HRNR: variants seen among roughly 807,000 people sequenced by gnomAD.
The protein encoded by HRNR is hornerin.
A neutral mutation model predicts 4.8 loss-of-function variants in HRNR; 7 were observed. The observed-to-expected ratio is 1.47, with a 90% CI of 0.83 to 2.75. The LOEUF (loss-of-function observed/expected upper bound fraction) is 2.75, where lower values mean the gene tolerates loss of function less well. HRNR is among the 30% of genes most tolerant of loss of function. The pLI, the probability that HRNR is intolerant of heterozygous loss-of-function variation, is 0.00. For missense variants in HRNR, 2,879 were observed against 3,010.4 expected (o/e 0.96, Z 1.02); for synonymous variants, 1,023 against 1,242.7 (o/e 0.82, Z 3.72).
chr1:152,220,393 G>A lies in HRNR; in HGVS notation c.1236C>T (p.Gly412=), dbSNP rs756856015. 2 of 1,614,032 alleles carry A rather than the reference G, an allele frequency of 1.2e-6. No homozygotes were observed. The highest frequency in any genetic ancestry group is 1.7e-6 in the Non-Finnish European group (2 of 1,180,004). ...CAGATCCAGAGCTGTGTTGGCCGCG[G>A]CCTGAAGAGTGACGGGAGGCAGACT... ...QHESASRHSS[G]RGQHSSGSGQ... Residue 412 remains glycine (G), a synonymous_variant, in exon 3 of 3, where the codon GGC becomes GGT. Transcript: ENST00000368801.
Position 152,218,440 on chromosome 1 carries a change from G to A in HRNR, c.3189C>T (p.Tyr1063=), listed in dbSNP as rs141737935. 632 of 1,613,578 alleles carry A rather than the reference G, an allele frequency of 3.9e-4. 3 individuals are homozygous for A. Among genetic ancestry groups the A allele is most frequent in the African/African-American group, 3.8e-3 (281 of 74,676 alleles). The stretch of plus-strand genomic sequence containing the variant: ...GACCTGAGCTAGATCCATGTTGACC[G>A]TAGCCAGAGGACTGTCCTGAGCGAG... The part of the protein sequence containing the change: ...RESRSGQSSG[Y]GQHGSSSGHS... The change falls in exon 3 of 3, where the codon TAC becomes TAT. Residue 1063 remains tyrosine (Y), a synonymous_variant. Coordinates refer to ENST00000368801, the MANE Select transcript of HRNR (RefSeq NM_001009931.3).
chr1:152,219,958 G>C lies in HRNR; in HGVS notation c.1671C>G (p.Ser557Arg), dbSNP rs374556256. 3 of 1,613,862 alleles carry C rather than the reference G, an allele frequency of 1.9e-6. No homozygotes were observed. Among genetic ancestry groups the C allele is most frequent in the African/African-American group, 2.7e-5 (2 of 74,934 alleles). Residue 557 changes from serine to arginine, a missense_variant, in exon 3 of 3, where the codon AGC becomes AGG. By Grantham distance (110) the Ser-to-Arg change is moderately radical. Transcript: ENST00000368801. ...RHESGSRQSS[S>R]YGPHGYGSGR... ...CTGAGCCATACCCATGTGGGCCATA[G>C]CTGGAAGACTGCCTGGAACCAGACT... is the stretch of plus-strand genomic sequence containing the variant.
chr1:152,222,632 A>T (rs944980768), intron 2 of HRNR, among the ~76,000 whole-genome samples: 1 of 152,228 alleles, frequency 6.6e-6, no homozygotes, highest in Admixed American at 6.5e-5. Flanking sequence ...TGACACACTG[A>T]ATATCTGACA....
intron 1 of HRNR, 49 bp from the exon 2 acceptor site, chr1:152,223,327 G>C: frequency 9.1e-7 from 1 of 1,101,376 alleles, no homozygotes; most frequent in Non-Finnish European, 1.3e-6. Flanking sequence ...CTTATTTCTT[G>C]TTTAAACACA....
Position 152,223,197 on chromosome 1 carries a change from G to A in HRNR, c.57C>T (p.Ala19=). The change falls in exon 2 of 3, where the codon GCC becomes GCT. Residue 19 remains alanine (A), a synonymous_variant. Transcript: ENST00000368801. ...ACGTATCATACTCCCCATGCTGGGT[G>A]GCATATTGGTAGAAAACATCGATGA... ...ITVIDVFYQY[A]TQHGEYDTLN... is the part of the protein sequence containing the mutation. 1.2e-6 allele frequency: 2 copies of A among 1,613,546 alleles called. No individual in the cohort carries two copies. The highest frequency in any genetic ancestry group is 1.7e-6 in the Non-Finnish European group (2 of 1,179,632).
Position 152,220,109 on chromosome 1 carries a change from T to C in HRNR, c.1520A>G (p.Gln507Arg). 6.2e-7 allele frequency: 1 copy of C among 1,613,548 alleles called. No individual in the cohort carries two copies. Among genetic ancestry groups the C allele is most frequent in the Non-Finnish European group, 8.5e-7 (1 of 1,179,746 alleles). Residue 507 changes from glutamine to arginine, a missense_variant, in exon 3 of 3, where the codon CAA (glutamine) becomes CGA (arginine). Coordinates refer to ENST00000368801, the MANE Select transcript of HRNR (RefSeq NM_001009931.3). ...GGAAGATGAACCTGCACTAGATCCT[T>C]GTCGTTCACCCCTAGATGACTGTCC... ...RSGQSSRGERQGSSAGSSSSY... is the reference protein window; with the variant it reads ...RSGQSSRGERRGSSAGSSSSY...
rs148051618 is a variant in HRNR, at chr1:152,223,263, T to G, written c.-10A>C. On this transcript the variant is annotated 5_prime_UTR_variant, in exon 2 of 3. Transcript: ENST00000368801. ...GTAGGAGTTTAGGCATTTTTTTTTT[T>G]GCAAGTTTGAGTAACCTAAAGGGAG... 8.2e-7 allele frequency: 1 copy of G among 1,218,460 alleles called. No individual in the cohort carries two copies. Among genetic ancestry groups the G allele is most frequent in the Non-Finnish European group, 1.2e-6 (1 of 832,236 alleles). 75.5% of individuals were successfully genotyped at this position (1,218,460 alleles called of 1,614,324 possible).
At chr1:152,222,983 AC>A in intron 2 of HRNR, 132 bp downstream of exon 2, 1 of 896,308 alleles carries the variant, frequency 1.1e-6, no homozygotes, top group East Asian at 2.5e-5. Flanking sequence ...CTTATCTCAA[AC>A]TTTTACCAAA....
rs904130174 is a variant in HRNR, at chr1:152,220,694, T to C, written c.935A>G (p.His312Arg). The C allele has an allele frequency of 3.1e-6, 5 of 1,612,030 alleles. No individual in the cohort carries two copies. Among genetic ancestry groups the C allele is most frequent in the African/African-American group, 1.3e-5 (1 of 74,486 alleles). The change falls in exon 3 of 3, where the codon CAT becomes CGT. Residue 312 changes from histidine to arginine, a missense_variant. Transcript: ENST00000368801. ...GSRQSPSHVR[H>R]GSGSGHSSSH... ...GGAGGAGTGCCCCGAACCGGACCCA[T>C]GTCGGACGTGGCTAGGAGACTGGCG...
chr1:152,221,064 AC>A lies in HRNR; in HGVS notation c.564del (p.Gln188HisfsTer397). The A allele has an allele frequency of 6.2e-7, 1 of 1,613,390 alleles. No individual in the cohort carries two copies. Among genetic ancestry groups the A allele is most frequent in the Non-Finnish European group, 8.5e-7 (1 of 1,179,462 alleles). On this transcript the variant is annotated frameshift_variant, in exon 3 of 3. Transcript: ENST00000368801. LOFTEE classifies it low-confidence loss of function (END_TRUNC). ...SYGEQNSDSH[Q>X]SSGRGQCGSG... ...GACCCACATTGGCCGCGGCCTGAAG[AC>A]TGATGGGAGTCGGAGTTTTGCTCAC...
At position 152,220,006 on chromosome 1, in the gene HRNR, A is replaced by C. The variant is rs752000515; in HGVS notation, c.1623T>G (p.Pro541=). ...SRHGSGSGQS[P]SPSRGRHESG... The stretch of plus-strand genomic sequence containing the variant: ...ACTCATGTCGGCCACGGCTAGGGCT[A>C]GGAGACTGGCCAGATCCAGACCCAT... The change falls in exon 3 of 3, where the codon CCT becomes CCG. Residue 541 remains proline, a synonymous_variant. Coordinates refer to ENST00000368801, the MANE Select transcript of HRNR (RefSeq NM_001009931.3). The C allele has an allele frequency of 5.0e-6, 8 of 1,613,904 alleles. No homozygotes were observed. The East Asian group carries it at 1.8e-4, about 36-fold the overall frequency.
At position 152,220,547 on chromosome 1, in the gene HRNR, T is replaced by C. The variant is rs189833252; in HGVS notation, c.1082A>G (p.Tyr361Cys). The C allele has an allele frequency of 1.9e-6, 3 of 1,611,504 alleles. No homozygotes were observed. The East Asian group carries it at 6.7e-5, about 36-fold the overall frequency. The change falls in exon 3 of 3, where the codon TAT (tyrosine) becomes TGT (cysteine). Residue 361 changes from tyrosine to cysteine, a missense_variant. Physicochemically the swap from Tyr to Cys is radical, Grantham distance 194. Transcript: ENST00000368801. ...ACCTGAGCCAGAACCATGCTTACTA[T>C]AGCCAGAGGACTGTCCTGAGCCAGA... is the stretch of plus-strand genomic sequence containing the variant. ...HESGSGQSSG[Y>C]SKHGSGSGHS... is the part of the protein sequence containing the mutation.
Position 152,219,145 on chromosome 1 carries a change from A to G in HRNR, c.2484T>C (p.Tyr828=), listed in dbSNP as rs769590274. The part of the protein sequence containing the change: ...GQHESGSGQG[Y]SQHGSASGHF... ...GACCTGAGGCAGAACCATGCTGACT[A>G]TAGCCCTGTCCTGAGCCAGACTCGT... The change falls in exon 3 of 3, where the codon TAT becomes TAC. Residue 828 remains tyrosine, a synonymous_variant. Coordinates refer to ENST00000368801, the MANE Select transcript of HRNR (RefSeq NM_001009931.3). 6.8e-6 allele frequency: 11 copies of G among 1,613,790 alleles called. No homozygotes were observed. The highest frequency in any genetic ancestry group is 3.3e-5 in the Admixed American group (2 of 59,992).
rs761997715 is a variant in HRNR at position 152,219,915 on chromosome 1, C to T, written c.1714G>A (p.Gly572Ser). 1.9e-6 allele frequency: 3 copies of T among 1,613,254 alleles called. No homozygotes were observed. Among genetic ancestry groups the T allele is most frequent in the South Asian group, 2.2e-5 (2 of 91,014 alleles). Reference sequence around the variant, plus strand: ...TGACCGGAGCCAGACTCATATGGGCCACGGCTTGAAGACCTCCCTGAGCCA... The same window carrying T: ...TGACCGGAGCCAGACTCATATGGGCTACGGCTTGAAGACCTCCCTGAGCCA... ...GYGSGRSSSRGPYESGSGHSS... is the reference protein window; with the variant it reads ...GYGSGRSSSRSPYESGSGHSS... The change falls in exon 3 of 3, where the codon GGC becomes AGC. Residue 572 changes from glycine (G) to serine (S), a missense_variant. Coordinates refer to ENST00000368801, the MANE Select transcript of HRNR (RefSeq NM_001009931.3).
Position 152,218,363 on chromosome 1 carries a change from C to G in HRNR, c.3266G>C (p.Cys1089Ser), listed in dbSNP as rs770857664. The change falls in exon 3 of 3, where the codon TGT becomes TCT. Residue 1089 changes from cysteine to serine, a missense_variant. Around this residue, in one of 8 missense-constraint regions of HRNR, gnomAD observed 2,646 missense variants for 1,377.7 expected, o/e 1.92. Transcript: ENST00000368801. ...HGSTSGQSSSCGQHGASSGQS... is the reference protein window; with the variant it reads ...HGSTSGQSSSSGQHGASSGQS... The stretch of plus-strand genomic sequence containing the variant: ...ACCTGAGCTAGCTCCATGTTGGCCA[C>G]AGCTCGATGACTGTCCTGATGTAGA... 5.0e-6 allele frequency: 8 copies of G among 1,611,756 alleles called. No homozygotes were observed. The East Asian group carries it at 8.9e-5, about 18-fold the overall frequency.
rs766961481 is a variant in HRNR, at chr1:152,218,978, C to G, written c.2651G>C (p.Gly884Ala). 1.9e-6 allele frequency: 3 copies of G among 1,608,742 alleles called. No homozygotes were observed. The highest frequency in any genetic ancestry group is 2.5e-6 in the Non-Finnish European group (3 of 1,179,908). Residue 884 changes from glycine (G) to alanine (A), a missense_variant, in exon 3 of 3, where the codon GGC becomes GCC. By Grantham distance (60) the Gly-to-Ala change is moderately conservative. Coordinates refer to ENST00000368801, the MANE Select transcript of HRNR (RefSeq NM_001009931.3). ...GCCTGGAGACTGGCCAGATCCAGAG[C>G]CATGTCGGCCGCGGCCCGAAGCGTG... ...SHHASGRGRH[G>A]SGSGQSPGHG...
At position 152,212,977 on chromosome 1, in the gene HRNR, GA is replaced by G; in HGVS notation, c.*98del. ...AAATGCATTGATTCACTTTTAGAACGAATTTCATGATGGATTGCTTGTCTTT... is the reference window on the plus strand; with the variant it reads ...AAATGCATTGATTCACTTTTAGAACGATTTCATGATGGATTGCTTGTCTTT... On this transcript the variant is annotated 3_prime_UTR_variant, in exon 3 of 3. Coordinates refer to ENST00000368801, the MANE Select transcript of HRNR (RefSeq NM_001009931.3). 1 of 1,487,288 alleles carries G rather than the reference GA, an allele frequency of 6.7e-7. No homozygotes were observed. The highest frequency in any genetic ancestry group is 9.0e-7 in the Non-Finnish European group (1 of 1,109,802). 92.1% of individuals were successfully genotyped at this position (1,487,288 alleles called of 1,614,324 possible).
rs1238727090 is a variant in HRNR at position 152,219,607 on chromosome 1, G to C, written c.2022C>G (p.Ser674Arg). The C allele has an allele frequency of 3.7e-6, 6 of 1,610,526 alleles. No homozygotes were observed. Among genetic ancestry groups the C allele is most frequent in the Non-Finnish European group, 4.2e-6 (5 of 1,177,806 alleles). The change falls in exon 3 of 3, where the codon AGC becomes AGG. Residue 674 changes from serine (S) to arginine (R), a missense_variant. Transcript: ENST00000368801. The part of the protein sequence containing the change: ...RHGSDFGHSS[S>R]YGQHGSGSGW... ...CGGAGCCAGACCCATGTTGGCCGTA[G>C]CTGGAAGAGTGCCCAAAATCGGACC...
At position 152,220,068 on chromosome 1, in the gene HRNR, C is replaced by T. The variant is rs368838662; in HGVS notation, c.1561G>A (p.Gly521Arg). ...CCCAAAGATTGACGGGAGCCAGACC[C>T]ATGCTGACCATAGCTGGAAGATGAA... ...AGSSSSYGQH[G>R]SGSRQSLGHS... The change falls in exon 3 of 3, where the codon GGG (glycine) becomes AGG (arginine). Residue 521 changes from glycine (G) to arginine (R), a missense_variant. Gly to Arg is a moderately radical substitution (Grantham distance 125). Coordinates refer to ENST00000368801, the MANE Select transcript of HRNR (RefSeq NM_001009931.3). 6.2e-7 allele frequency: 1 copy of T among 1,613,686 alleles called. No homozygotes were observed. The highest frequency in any genetic ancestry group is 1.3e-5 in the African/African-American group (1 of 75,014).
Sources: allele counts gnomAD v4.1 joint callset (sites outside exome capture counted in the v4.1 genomes callset), GRCh38; gene constraint gnomAD v4.1.1; regional missense constraint gnomAD v4.1.1; transcripts MANE v1.5; gene names NCBI Gene and HGNC (gene_info 2026-07-23, HGNC 2026-07-21).